Variants in USP42 observed in about 807,000 individuals in gnomAD.
USP42 encodes ubiquitin specific peptidase 42.
In USP42, 23 loss-of-function variants were observed where a neutral mutation model predicts 113.0. The observed-to-expected ratio is 0.20, with a 90% CI of 0.15 to 0.29. USP42 has a LOEUF of 0.29. Ranked by LOEUF, USP42 falls within the 10% of genes least tolerant of loss-of-function variation. USP42 has a pLI of 1.00. For missense variants in USP42, 2,174 were observed against 1,779.8 expected (o/e 1.22, Z -3.99); for synonymous variants, 933 against 699.0 (o/e 1.33, Z -5.28).
At position 6,154,110 on chromosome 7, in the gene USP42, G is replaced by C. The variant is rs1011064483; in HGVS notation, c.2556G>C (p.Pro852=). The C allele has an allele frequency of 6.9e-6, 11 of 1,603,864 alleles. No homozygotes were observed. The highest frequency in any genetic ancestry group is 9.3e-6 in the Non-Finnish European group (11 of 1,178,052). Residue 852 remains proline (P), a synonymous_variant, in exon 15 of 18, where the codon CCG becomes CCC. Coordinates refer to ENST00000306177, the MANE Select transcript of USP42 (RefSeq NM_032172.3). The part of the protein sequence containing the change: ...GPRDSALAEA[P]EGLSPAPPAR... ...GGGACTCGGCGTTGGCGGAAGCCCC[G>C]GAAGGGTTGAGTCCGGCTCCGCCTG... is the stretch of plus-strand genomic sequence containing the variant.
At chr7:6,088,021 C>G in the USP42 span, among the ~76,000 whole-genome samples, 2 of 150,974 alleles carry the variant, frequency 1.3e-5, no homozygotes, top group African/African-American at 5.0e-5. Flanking sequence ...AACTCTAGGA[C>G]AGGCATGGTG....
In USP42 at chr7:6,160,554, G is replaced by A. The variant is rs1459607257; in HGVS notation, c.*37-1G>A. 1 of 152,662 alleles carries A rather than the reference G, an allele frequency of 6.6e-6. No individual in the cohort carries two copies. Among genetic ancestry groups the A allele is most frequent in the Non-Finnish European group, 1.5e-5 (1 of 68,048 alleles). The allele number at this position is 152,662 out of a possible 1,614,324, so 9.5% of individuals were successfully genotyped here. Reference sequence around the variant, plus strand: ...CTAACCCTGCGCCTCTTGTCTTTCAGATTCAACGCGTTCAACAGAAGCCAT... The same window carrying A: ...CTAACCCTGCGCCTCTTGTCTTTCAAATTCAACGCGTTCAACAGAAGCCAT... On this transcript the variant is annotated splice_acceptor_variant, in intron 17 of 17. Coordinates refer to ENST00000306177, the MANE Select transcript of USP42 (RefSeq NM_032172.3). LOFTEE classifies it low-confidence loss of function (3UTR_SPLICE).
chr7:6,133,089 T>C (rs917623104), intron 3 of USP42, among the ~76,000 whole-genome samples: 42 of 152,236 alleles, frequency 2.8e-4, no homozygotes, highest in African/African-American at 9.9e-4. Context: ...CTTAGATCTG[T>C]ACATGTATTA....
chr7:6,154,000 C>T lies in USP42; in HGVS notation c.2446C>T (p.Pro816Ser), dbSNP rs765943167. 12 of 1,603,136 alleles carry T rather than the reference C, an allele frequency of 7.5e-6. No individual in the cohort carries two copies. Among genetic ancestry groups the T allele is most frequent in the Non-Finnish European group, 9.3e-6 (11 of 1,178,846 alleles). The part of the protein sequence containing the change: ...GEDIVGDTAP[P>S]DLCDPGSLTG... ...GGACATCGTGGGGGACACAGCACCC[C>T]CTGACCTGTGTGATCCCGGGAGCTT... is the stretch of plus-strand genomic sequence containing the variant. The change falls in exon 15 of 18, where the codon CCT (proline) becomes TCT (serine). Residue 816 changes from proline (P) to serine (S), a missense_variant. Pro to Ser is a moderately conservative substitution (Grantham distance 74). Coordinates refer to ENST00000306177, the MANE Select transcript of USP42 (RefSeq NM_032172.3).
Position 6,156,951 on chromosome 7 carries a change from C to T in USP42, c.3839C>T (p.Ser1280Phe), listed in dbSNP as rs1483669149. Residue 1280 changes from serine to phenylalanine, a missense_variant, in exon 16 of 18, where the codon TCT becomes TTT. Transcript: ENST00000306177. ...AGAGCCCAGGGTGGCTTTCCTCTCT[C>T]TGGTGGCCCGCCTCTGGAAGGCGTC... The part of the protein sequence containing the change: ...FRRAQGGFPL[S>F]GGPPLEGVGP... The T allele has an allele frequency of 9.3e-6, 15 of 1,613,680 alleles. No homozygotes were observed. The African/African-American group carries it at 1.9e-4, about 20-fold the overall frequency.
intron 1 of USP42, among the ~76,000 whole-genome samples, chr7:6,109,068 G>A (rs553422195): frequency 1.3e-5 from 2 of 152,330 alleles, no homozygotes; most frequent in East Asian, 3.9e-4. Context: ...TGCTGTGGGG[G>A]CCTTGAGGAG....
Position 6,155,060 on chromosome 7 carries a change from A to G in USP42, c.3506A>G (p.Asn1169Ser), listed in dbSNP as rs1458066565. 1.3e-6 allele frequency: 2 copies of G among 1,563,288 alleles called. No individual in the cohort carries two copies. Among genetic ancestry groups the G allele is most frequent in the African/African-American group, 1.4e-5 (1 of 73,542 alleles). ...SRKRRHDSVE[N>S]SDSHVEKKAR... ...AAACGGAGACACGACAGTGTGGAGA[A>G]CAGTGACAGTCATGTTGAAAAGAAA... The change falls in exon 15 of 18, where the codon AAC (asparagine) becomes AGC (serine). Residue 1169 changes from asparagine to serine, a missense_variant. Transcript: ENST00000306177.
At chr7:6,111,555 G>A (rs1055133220) in intron 2 of USP42, among the ~76,000 whole-genome samples, 181 bp downstream of exon 2, 6 of 152,008 alleles carry the variant, frequency 3.9e-5, no homozygotes, top group Admixed American at 3.9e-4. Context: ...CTGACAACAG[G>A]GTAGATTGTT....
At chr7:6,116,140 T>C (rs530155821) in intron 3 of USP42, among the ~76,000 whole-genome samples, 19 of 151,424 alleles carry the variant, frequency 1.3e-4, no homozygotes, top group Admixed American at 2.6e-4. Context: ...GCCAGCAACT[T>C]GGGACAGGCG....
chr7:6,091,612 T>A, the USP42 span, among the ~76,000 whole-genome samples: 2 of 150,414 alleles, frequency 1.3e-5, no homozygotes, highest in African/African-American at 5.0e-5. Context: ...CACCCCCATA[T>A]TAATTTTATT....
At chr7:6,132,858 G>A (rs1490241573) in intron 3 of USP42, among the ~76,000 whole-genome samples, 1 of 152,156 alleles carries the variant, frequency 6.6e-6, no homozygotes, top group Non-Finnish European at 1.5e-5. Context: ...ATTTTTAGTA[G>A]AGACGGGGTT....
chr7:6,114,209 A>T (rs980095643), intron 2 of USP42, among the ~76,000 whole-genome samples: 1 of 152,162 alleles, frequency 6.6e-6, no homozygotes, highest in Admixed American at 6.5e-5. Flanking sequence ...AATTGCAGCC[A>T]TTTGGCCTAG....
At chr7:6,151,100 C>T (rs1337263909) in intron 14 of USP42, among the ~76,000 whole-genome samples, 1 of 152,120 alleles carries the variant, frequency 6.6e-6, no homozygotes, top group African/African-American at 2.4e-5. Context: ...AGAAAAGGGA[C>T]AGTAAAAATA....
Position 6,157,491 on chromosome 7 carries a change from A to G in USP42, c.3943+436A>G, listed in dbSNP as rs1428697986. 4.5e-6 allele frequency: 3 copies of G among 667,100 alleles called. No individual in the cohort carries two copies. The highest frequency in any genetic ancestry group is 3.7e-6 in the Non-Finnish European group (2 of 539,506). 41.3% of individuals were successfully genotyped at this position (667,100 alleles called of 1,614,324 possible). On this transcript the variant is annotated intron_variant, in intron 16 of 17. Transcript: ENST00000306177. The surrounding 1 kb of genome is among the most constrained non-coding windows in gnomAD (Gnocchi z 4.1). ...CAGCTCACTGCAACCTCTGCCTCCC[A>G]GGTTCATGCTGTTCTCCTGCCTCAG...
the USP42 span, among the ~76,000 whole-genome samples, chr7:6,099,211 CTTTTTTTTTT>C: frequency 1.0e-5 from 1 of 98,802 alleles, no homozygotes; most frequent in Admixed American, 1.2e-4. Context: ...TGTTCCCTCT[CTTTTTTTTTT>C]TTTTTTTTTT....
intron 3 of USP42, among the ~76,000 whole-genome samples, chr7:6,117,797 A>G (rs980672146): frequency 1.3e-5 from 2 of 152,228 alleles, no homozygotes; most frequent in East Asian, 1.9e-4. Context: ...TTCATAATGA[A>G]TAATGCTGAA....
chr7:6,134,570 T>C (rs1226310664), intron 3 of USP42, among the ~76,000 whole-genome samples: 1 of 152,194 alleles, frequency 6.6e-6, no homozygotes, highest in African/African-American at 2.4e-5. Flanking sequence ...GCCAACACTT[T>C]GGGTGACTCT....
rs1284572417 is a variant in USP42, at chr7:6,124,554, G to A, written c.442+9031G>A. The stretch of plus-strand genomic sequence containing the variant: ...GCTGGGATTACAGGAGTGAGCCCCC[G>A]TGCCCAGCTTTAAAGTGGATTTCTT... On this transcript the variant is annotated intron_variant, in intron 3 of 17. Coordinates refer to ENST00000306177, the MANE Select transcript of USP42 (RefSeq NM_032172.3). Among the ~76,000 whole-genome samples the A allele has an allele frequency of 1.1e-4, 17 of 152,124 alleles. 1 individual carries two copies. Among genetic ancestry groups the A allele is most frequent in the African/African-American group, 3.4e-4 (14 of 41,440 alleles).
At chr7:6,132,273 C>T (rs77410185) in intron 3 of USP42, among the ~76,000 whole-genome samples, 9,781 of 152,234 alleles carry the variant, frequency 0.064, 494 homozygotes, top group African/African-American at 0.13. Flanking sequence ...TGTCTTCTGG[C>T]CTGTGCTGTG....
Sources: gnomAD v4.1 joint callset for allele counts (sites outside exome capture counted in the v4.1 genomes callset) on GRCh38, gnomAD v4.1.1 for gene constraint, Gnocchi (gnomAD v3.1) non-coding constraint, MANE v1.5 for transcripts, NCBI Gene and HGNC (gene_info 2026-07-23, HGNC 2026-07-21) for gene names.